The following CHST11 variants were observed in gnomAD, a reference collection of about 807,000 sequenced individuals.
The protein encoded by CHST11 is carbohydrate sulfotransferase 11.
Under a neutral mutation model 30.4 loss-of-function variants are expected in CHST11, and 9 were observed. That is an observed-to-expected ratio of 0.30 (90% CI 0.18 to 0.52). The LOEUF (loss-of-function observed/expected upper bound fraction) is 0.52. Ranked by LOEUF, CHST11 falls within the 20% of genes least tolerant of loss-of-function variation. CHST11 has a pLI of 0.97. For missense variants in CHST11, 348 were observed against 460.6 expected, an observed-to-expected ratio of 0.76 and a Z score of 2.24; for synonymous variants, 152 against 187.8, an observed-to-expected ratio of 0.81 and a Z score of 1.56.
intron 2 of CHST11, among the ~76,000 whole-genome samples, chr12:104,751,177 A>G (rs1156949374): frequency 6.6e-6 from 1 of 152,222 alleles, no homozygotes; most frequent in Non-Finnish European, 1.5e-5. Context: ...TCCTGAATGC[A>G]GTATTAACTG....
At chr12:104,485,032 A>T (rs1350092804) in intron 1 of CHST11, among the ~76,000 whole-genome samples, 2 of 152,150 alleles carry the variant, frequency 1.3e-5, no homozygotes, top group Non-Finnish European at 2.9e-5. Context: ...AGGCTCTAGT[A>T]GGCTGTGGGG....
intron 1 of CHST11, among the ~76,000 whole-genome samples, chr12:104,599,364 G>A (rs557396247): frequency 2.6e-5 from 4 of 152,186 alleles, no homozygotes; most frequent in Non-Finnish European, 4.4e-5. Flanking sequence ...TTCACCGCGC[G>A]GTCCCGGAGC....
intron 1 of CHST11, among the ~76,000 whole-genome samples, chr12:104,572,601 C>T (rs1439830401): frequency 6.6e-6 from 1 of 151,978 alleles, no homozygotes; most frequent in Non-Finnish European, 1.5e-5. Context: ...TGATTCTTCT[C>T]TCTTTTCTTC....
At chr12:104,620,170 G>A (rs984685336) in intron 2 of CHST11, among the ~76,000 whole-genome samples, 2 of 152,154 alleles carry the variant, frequency 1.3e-5, no homozygotes, top group Non-Finnish European at 2.9e-5. Flanking sequence ...ACACAGAATG[G>A]CTCCCAAATG....
chr12:104,465,481 T>A (rs927290394), intron 1 of CHST11, among the ~76,000 whole-genome samples: 1 of 152,240 alleles, frequency 6.6e-6, no homozygotes, highest in African/African-American at 2.4e-5. Flanking sequence ...CTTTCAAGGC[T>A]ACTGAGCTGT....
At chr12:104,535,435 C>T (rs1379089664) in intron 1 of CHST11, among the ~76,000 whole-genome samples, 1 of 152,136 alleles carries the variant, frequency 6.6e-6, no homozygotes, top group Non-Finnish European at 1.5e-5. Context: ...GTCTTAATGT[C>T]TGGGAGTTCT....
chr12:104,475,200 C>T (rs1229589046), intron 1 of CHST11, among the ~76,000 whole-genome samples: 1 of 152,154 alleles, frequency 6.6e-6, no homozygotes, highest in Non-Finnish European at 1.5e-5. Flanking sequence ...CTCCATCCAG[C>T]ACTCAAACAT....
intron 2 of CHST11, among the ~76,000 whole-genome samples, chr12:104,640,417 C>T (rs1004401019): frequency 6.6e-6 from 1 of 152,088 alleles, no homozygotes; most frequent in African/African-American, 2.4e-5. Context: ...GCCATCCAGC[C>T]ACAAAAAGAT....
chr12:104,505,575 AG>A (rs2037897863), intron 1 of CHST11, among the ~76,000 whole-genome samples: 1 of 152,212 alleles, frequency 6.6e-6, no homozygotes, highest in Non-Finnish European at 1.5e-5. Flanking sequence ...AGAGTGACTC[AG>A]GAGTGGGTTG....
At chr12:104,642,760 A>G (rs2136075750) in intron 2 of CHST11, among the ~76,000 whole-genome samples, 1 of 151,656 alleles carries the variant, frequency 6.6e-6, no homozygotes, top group East Asian at 1.9e-4. Context: ...GGTGGTTGGA[A>G]TATAGGTGGT....
At chr12:104,669,843 C>T (rs1323518054) in intron 2 of CHST11, among the ~76,000 whole-genome samples, 1 of 152,236 alleles carries the variant, frequency 6.6e-6, no homozygotes, top group Non-Finnish European at 1.5e-5. Flanking sequence ...CTTCCTCCTC[C>T]TGTGAGCCTG....
intron 1 of CHST11, among the ~76,000 whole-genome samples, chr12:104,531,062 A>T (rs1361517977): frequency 6.6e-6 from 1 of 152,236 alleles, no homozygotes; most frequent in Non-Finnish European, 1.5e-5. Context: ...CATCAGCCAC[A>T]CTTACCTTCA....
intron 2 of CHST11, 96 bp downstream of exon 2, chr12:104,602,087 C>A: frequency 1.2e-6 from 1 of 836,498 alleles, no homozygotes; most frequent in Non-Finnish European, 2.0e-6. Flanking sequence ...GGATTTAAAA[C>A]TTCCTTTCAC....
At chr12:104,582,024 G>A (rs1010275754) in intron 1 of CHST11, among the ~76,000 whole-genome samples, 6 of 152,154 alleles carry the variant, frequency 3.9e-5, no homozygotes, top group Admixed American at 2.0e-4. Flanking sequence ...CGTCATTATC[G>A]TCAGCATCAT....
At chr12:104,688,911 A>G (rs1176614180) in intron 2 of CHST11, among the ~76,000 whole-genome samples, 2 of 152,218 alleles carry the variant, frequency 1.3e-5, no homozygotes, top group Non-Finnish European at 2.9e-5. Context: ...GCTTGAGCCC[A>G]GGAGTTCGAG....
At chr12:104,473,914 A>G (rs1354278579) in intron 1 of CHST11, among the ~76,000 whole-genome samples, 1 of 152,064 alleles carries the variant, frequency 6.6e-6, no homozygotes, top group African/African-American at 2.4e-5. Context: ...CATCACCATC[A>G]TCACCACCAC....
At chr12:104,521,034 C>T (rs1191018816) in intron 1 of CHST11, among the ~76,000 whole-genome samples, 1 of 152,022 alleles carries the variant, frequency 6.6e-6, no homozygotes, top group Non-Finnish European at 1.5e-5. Context: ...CCCCAGCTGC[C>T]CTAATTAAAT....
chr12:104,621,485 G>T lies in CHST11; in HGVS notation c.204+19494G>T, dbSNP rs919705421. On this transcript the variant is annotated intron_variant, in intron 2 of 2. Transcript: ENST00000303694. ...ATTTGGCAAAAGGGACTTTGCAAAG[G>T]CAGTTTAAGTTAAGGGTTTTAAGAT... Among the ~76,000 whole-genome samples, 4 of 152,362 alleles carry T rather than the reference G, an allele frequency of 2.6e-5. 1 individual carries two copies. The highest frequency in any genetic ancestry group is 1.9e-4 in the East Asian group (1 of 5,184).
intron 2 of CHST11, among the ~76,000 whole-genome samples, chr12:104,716,738 G>A (rs2040134742): frequency 6.6e-6 from 1 of 152,336 alleles, no homozygotes; most frequent in East Asian, 1.9e-4. Flanking sequence ...CATCCACGGA[G>A]GGCTTCACAG....
Sources: allele counts gnomAD v4.1 joint callset (sites outside exome capture counted in the v4.1 genomes callset), GRCh38; gene constraint gnomAD v4.1.1; transcripts MANE v1.5; gene names NCBI Gene and HGNC (gene_info 2026-07-23, HGNC 2026-07-21).